The following CCDC90B variants were observed in gnomAD, a reference collection of about 807,000 sequenced individuals.
The protein encoded by CCDC90B is coiled-coil domain-containing protein 90B, mitochondrial.
In CCDC90B, 24 loss-of-function variants were observed where a neutral mutation model predicts 37.0. The observed-to-expected ratio is 0.65, with a 90% CI of 0.47 to 0.91. CCDC90B has a LOEUF of 0.91. CCDC90B is among the 40% of genes least tolerant of loss of function. The pLI is 0.00. For synonymous variants in CCDC90B, 113 were observed against 101.1 expected (o/e 1.12, Z -0.71); for missense variants, 319 against 299.0 (o/e 1.07, Z -0.49).
intron 1 of CCDC90B, chr11:83,285,217 A>T: frequency 7.0e-6 from 9 of 1,285,826 alleles, no homozygotes; most frequent in Non-Finnish European, 9.1e-6. Flanking sequence ...AAAAACTGGG[A>T]GGGAAGTTAA....
intron 7 of CCDC90B, among the ~76,000 whole-genome samples, chr11:83,270,731 T>C (rs1436027522): frequency 6.6e-6 from 1 of 150,904 alleles, no homozygotes; most frequent in Non-Finnish European, 1.5e-5. Flanking sequence ...GCCATCCCCA[T>C]CAAGCTACCA....
intron 3 of CCDC90B, among the ~76,000 whole-genome samples, chr11:83,275,536 A>T (rs579222): frequency 7.0e-5 from 10 of 142,506 alleles, no homozygotes; most frequent in East Asian, 2.0e-4. Flanking sequence ...AAAAAAAAAA[A>T]TTTGAAATCT....
intron 4 of CCDC90B, chr11:83,274,243 G>C (rs890479691): frequency 8.0e-5 from 28 of 351,648 alleles, no homozygotes; most frequent in African/African-American, 5.5e-4. Context: ...ATAAGCTATA[G>C]TGGATAACAT....
intron 7 of CCDC90B, among the ~76,000 whole-genome samples, chr11:83,271,467 C>T (rs903571832): frequency 3.3e-5 from 5 of 152,268 alleles, no homozygotes; most frequent in South Asian, 2.1e-4. Flanking sequence ...TATGAACAGA[C>T]GCTTCTCAAA....
chr11:83,280,247 G>A lies in CCDC90B; in HGVS notation c.114C>T (p.Thr38=), dbSNP rs1865306553. 5 of 1,612,234 alleles carry A rather than the reference G, an allele frequency of 3.1e-6. No homozygotes were observed. The East Asian group carries it at 8.9e-5, about 29-fold the overall frequency. ...GCCTATCATATCCCTCCTTGGTTGT[G>A]GTAGTGAAGAACTCTGAAAGAGAAG... ...SPALRREFFT[T]TTKEGYDRRP... is the part of the protein sequence containing the mutation. The change falls in exon 2 of 9, where the codon ACC becomes ACT. Residue 38 remains threonine (T), a synonymous_variant. Coordinates refer to ENST00000529689, the MANE Select transcript of CCDC90B (RefSeq NM_021825.5).
chr11:83,274,706 T>C lies in CCDC90B; in HGVS notation c.359A>G (p.Asp120Gly), dbSNP rs1280853015. The C allele has an allele frequency of 1.9e-6, 3 of 1,611,150 alleles. No individual in the cohort carries two copies. The highest frequency in any genetic ancestry group is 2.5e-6 in the Non-Finnish European group (3 of 1,178,374). Reference sequence around the variant, plus strand: ...GATGACCATGTCTTTCCTGATAGCATCCAAATGAGCCATTAGCTGTTGTAC... The same window carrying C: ...GATGACCATGTCTTTCCTGATAGCACCCAAATGAGCCATTAGCTGTTGTAC... Reference protein sequence around the residue: ...ITVQQLMAHLDAIRKDMVILE... With the variant: ...ITVQQLMAHLGAIRKDMVILE... Residue 120 changes from aspartate to glycine, a missense_variant, in exon 4 of 9, where the codon GAT (aspartate) becomes GGT (glycine). Transcript: ENST00000529689.
intron 7 of CCDC90B, among the ~76,000 whole-genome samples, chr11:83,272,360 T>A (rs552942539): frequency 6.6e-6 from 1 of 152,270 alleles, no homozygotes; most frequent in South Asian, 2.1e-4. Context: ...TCTAAAAACC[T>A]CATAATAACA....
chr11:83,269,500 A>G (rs1864517460), intron 7 of CCDC90B, among the ~76,000 whole-genome samples: 2 of 152,250 alleles, frequency 1.3e-5, no homozygotes, highest in Non-Finnish European at 2.9e-5. Flanking sequence ...CCACAGATAT[A>G]GACTACCATC....
At chr11:83,267,173 C>G (rs1319079490) in intron 7 of CCDC90B, 1 of 152,236 alleles carries the variant, frequency 6.6e-6, no homozygotes, top group East Asian at 1.9e-4. Flanking sequence ...AGCAGAAAAG[C>G]TGAAAATTCT....
Position 83,286,290 on chromosome 11 carries a change from G to T in CCDC90B, c.-318C>A. On this transcript the variant is annotated 5_prime_UTR_variant, in exon 1 of 9. Transcript: ENST00000529689. ...CCGGCGCCTGTTTCCTGGCAGTGGG[G>T]CATAGTCCAACAGCTGGCTCCCCCA... The T allele has an allele frequency of 8.6e-7, 1 of 1,166,342 alleles. No individual in the cohort carries two copies. Among genetic ancestry groups the T allele is most frequent in the South Asian group, 1.4e-5 (1 of 69,222 alleles). The allele number at this position is 1,166,342 out of a possible 1,614,324, so 72.2% of individuals were successfully genotyped here. A position where few individuals can be genotyped will look rare whatever the true frequency, so the allele number is the denominator to read the frequency against.
intron 1 of CCDC90B, among the ~76,000 whole-genome samples, chr11:83,284,087 TAC>T (rs1278126626): frequency 2.0e-5 from 3 of 152,242 alleles, no homozygotes; most frequent in Non-Finnish European, 4.4e-5. Context: ...AAGAGTTTTG[TAC>T]AGACTTAAAC....
At chr11:83,281,792 GTAA>G (rs966002106) in intron 1 of CCDC90B, among the ~76,000 whole-genome samples, 1 of 151,732 alleles carries the variant, frequency 6.6e-6, no homozygotes, top group African/African-American at 2.4e-5. Flanking sequence ...AAAAAAATCA[GTAA>G]TAATATTTAA....
At chr11:83,285,166 G>A in intron 1 of CCDC90B, 9 of 1,283,884 alleles carry the variant, frequency 7.0e-6, no homozygotes, top group African/African-American at 1.5e-5. Context: ...GAGATAAGAG[G>A]TGCCTATTCG....
At position 83,269,889 on chromosome 11, in the gene CCDC90B, C is replaced by T. The variant is rs542173686; in HGVS notation, c.594+3758G>A. Among the ~76,000 whole-genome samples, 8 of 152,264 alleles carry T rather than the reference C, an allele frequency of 5.3e-5. No individual in the cohort carries two copies. In the South Asian group the frequency reaches 6.2e-4, roughly 12 times the overall value. On this transcript the variant is annotated intron_variant, in intron 7 of 8. Transcript: ENST00000529689. ...TCAGAGCAATATCCGTGATGAACGTCGATGCGAAAATCCTCAATAAAATAC... is the reference window on the plus strand; with the variant it reads ...TCAGAGCAATATCCGTGATGAACGTTGATGCGAAAATCCTCAATAAAATAC...
chr11:83,271,825 T>C (rs191930065), intron 7 of CCDC90B, among the ~76,000 whole-genome samples: 324 of 152,332 alleles, frequency 2.1e-3, no homozygotes, highest in African/African-American at 7.2e-3. Flanking sequence ...CGTATGTTTA[T>C]TGAGGCACTA....
chr11:83,269,363 C>A (rs140910707), intron 7 of CCDC90B, among the ~76,000 whole-genome samples: 1 of 151,606 alleles, frequency 6.6e-6, no homozygotes, highest in African/African-American at 2.4e-5. Flanking sequence ...AATCAATGAA[C>A]CTAGGAGCTG....
At chr11:83,263,447 G>C (rs917662232) in intron 8 of CCDC90B, among the ~76,000 whole-genome samples, 2 of 152,154 alleles carry the variant, frequency 1.3e-5, no homozygotes, top group Admixed American at 1.3e-4. Flanking sequence ...TCTATACCCT[G>C]TCTAGGGAGA....
chr11:83,281,853 C>G (rs1865401696), intron 1 of CCDC90B, among the ~76,000 whole-genome samples: 1 of 152,014 alleles, frequency 6.6e-6, no homozygotes, highest in South Asian at 2.1e-4. Context: ...TTAAAATTCT[C>G]ATTTTATGGA....
intron 1 of CCDC90B, chr11:83,285,347 T>C: frequency 8.5e-7 from 1 of 1,181,594 alleles, no homozygotes. Context: ...GTTGGAAACT[T>C]GTGGGTTCCA....
Sources: gnomAD v4.1 joint callset for allele counts (sites outside exome capture counted in the v4.1 genomes callset) on GRCh38, gnomAD v4.1.1 for gene constraint, MANE v1.5 for transcripts, NCBI Gene and HGNC (gene_info 2026-07-23, HGNC 2026-07-21) for gene names.